Variants in TGM2 observed in about 807,000 individuals in gnomAD.
TGM2 encodes protein-glutamine gamma-glutamyltransferase 2.
Under a neutral mutation model 75.6 loss-of-function variants are expected in TGM2, and 53 were observed. That is an observed-to-expected ratio of 0.70 (90% CI 0.56 to 0.88). The LOEUF (loss-of-function observed/expected upper bound fraction) is 0.88. TGM2 is among the 40% of genes least tolerant of loss of function. TGM2 has a pLI of 0.00. For synonymous variants in TGM2, 374 were observed against 381.1 expected, an observed-to-expected ratio of 0.98 and a Z score of 0.22; for missense variants, 842 against 928.5, an observed-to-expected ratio of 0.91 and a Z score of 1.21.
In TGM2 at chr20:38,155,131, A is replaced by AC. The variant is rs200804357; in HGVS notation, c.433+715_433+716insG. Among the ~76,000 whole-genome samples the AC allele has an allele frequency of 1.8e-4, 27 of 151,486 alleles. No homozygotes were observed. In the East Asian group the frequency reaches 4.9e-3, roughly 28 times the overall value. ...CAAAAACAAAACAAAACAAAACAAA[A>AC]AACACACAAAAAACAGGGCCCCATG... On this transcript the variant is annotated intron_variant, in intron 3 of 12. Transcript: ENST00000361475.
At chr20:38,134,958 C>T (rs1294721280) in intron 10 of TGM2, among the ~76,000 whole-genome samples, 1 of 152,308 alleles carries the variant, frequency 6.6e-6, no homozygotes, top group East Asian at 1.9e-4. Flanking sequence ...CCTCACTTTC[C>T]AGCCAGAGGC....
Position 38,138,161 on chromosome 20 carries a change from C to T in TGM2, c.1567G>A (p.Glu523Lys), listed in dbSNP as rs112578056. The T allele has an allele frequency of 7.5e-6, 12 of 1,603,562 alleles. No homozygotes were observed. The highest frequency in any genetic ancestry group is 4.5e-5 in the South Asian group (4 of 89,192). The change falls in exon 10 of 13, where the codon GAG (glutamate) becomes AAG (lysine). Residue 523 changes from glutamate (E) to lysine (K), a missense_variant. Transcript: ENST00000361475. ...TTGAGCAGGTACTTGGTGCCACACTCGGGCCCCAAGATCCCATTGTAGCTG... is the reference window on the plus strand; with the variant it reads ...TTGAGCAGGTACTTGGTGCCACACTTGGGCCCCAAGATCCCATTGTAGCTG... ...TVSYNGILGP[E>K]CGTKYLLNLN...
Position 38,147,958 on chromosome 20 carries a change from C to T in TGM2, c.681+3G>A, listed in dbSNP as rs111512499. 438 of 1,609,318 alleles carry T rather than the reference C, an allele frequency of 2.7e-4. 1 individual carries two copies. The African/African-American group carries it at 4.4e-3, about 16-fold the overall frequency. On this transcript the variant is annotated splice_donor_region_variant and intron_variant, in intron 5 of 12. Transcript: ENST00000361475. ...CCCTGGATGGGCCATGCCACTCACT[C>T]ACCATGCCACTCACCACCCGGCCCA...
chr20:38,147,803 T>A (rs2075063127), intron 5 of TGM2, among the ~76,000 whole-genome samples, 158 bp downstream of exon 5: 1 of 152,244 alleles, frequency 6.6e-6, no homozygotes. Flanking sequence ...CACCCTCATC[T>A]GTGCAAATCT....
At chr20:38,161,097 G>A (rs1218806508) in intron 2 of TGM2, among the ~76,000 whole-genome samples, 1 of 152,154 alleles carries the variant, frequency 6.6e-6, no homozygotes, top group Non-Finnish European at 1.5e-5. Context: ...GAGCCACCAC[G>A]CCCAGCCTGT....
chr20:38,150,806 T>C, intron 4 of TGM2, 133 bp downstream of exon 4: 3 of 803,402 alleles, frequency 3.7e-6, no homozygotes, highest in Non-Finnish European at 6.7e-6. Flanking sequence ...TCAGGGCCTT[T>C]GCATCCCTGA....
Position 38,141,404 on chromosome 20 carries a change from C to T in TGM2, c.996-19G>A, listed in dbSNP as rs371571020. ...GAAGTTCCTGAGGGGGATAGGGGGGCGGGAATGAAGCAGAACATGAGCAAC... is the reference window on the plus strand; with the variant it reads ...GAAGTTCCTGAGGGGGATAGGGGGGTGGGAATGAAGCAGAACATGAGCAAC... On this transcript the variant is annotated intron_variant, in intron 7 of 12. Coordinates refer to ENST00000361475, the MANE Select transcript of TGM2 (RefSeq NM_004613.4). 38 of 1,544,388 alleles carry T rather than the reference C, an allele frequency of 2.5e-5. No homozygotes were observed. Among genetic ancestry groups the T allele is most frequent in the Non-Finnish European group, 3.2e-5 (36 of 1,136,928 alleles).
upstream of TGM2, chr20:38,165,492 T>A (rs2076381): frequency 0.54 from 290,683 of 534,308 alleles, 83,627 homozygotes; most frequent in Non-Finnish European, 0.62. Flanking sequence ...TAGCCCAGGA[T>A]ACAGACACAC....
At chr20:38,161,943 A>G (rs2075259623) in intron 1 of TGM2, among the ~76,000 whole-genome samples, 1 of 152,092 alleles carries the variant, frequency 6.6e-6, no homozygotes, top group Non-Finnish European at 1.5e-5. Flanking sequence ...ACAGGCGTGC[A>G]CCACTAATTT....
chr20:38,148,406 T>A (rs2075073278), intron 4 of TGM2, among the ~76,000 whole-genome samples: 1 of 152,136 alleles, frequency 6.6e-6, no homozygotes, highest in Non-Finnish European at 1.5e-5. Context: ...GGGCTCCCCC[T>A]CAGAGTCACC....
At position 38,160,824 on chromosome 20, in the gene TGM2, G is replaced by A. The variant is rs187621104; in HGVS notation, c.190+596C>T. On this transcript the variant is annotated intron_variant, in intron 2 of 12. Transcript: ENST00000361475. The stretch of plus-strand genomic sequence containing the variant: ...AGTTGTTTTGATATGGGAAAGGGCA[G>A]ACAGGATCTTTTTCTTTTTTCTTTT... Among the ~76,000 whole-genome samples the A allele has an allele frequency of 2.0e-3, 301 of 152,328 alleles. 2 individuals are homozygous for A. The highest frequency in any genetic ancestry group is 2.8e-4 in the Non-Finnish European group (19 of 68,028).
chr20:38,150,887 G>T, intron 4 of TGM2, 52 bp downstream of exon 4: 1 of 1,379,428 alleles, frequency 7.2e-7, no homozygotes, highest in Non-Finnish European at 1.0e-6. Context: ...ACACAGGGCC[G>T]GGCACACAGA....
At chr20:38,154,734 C>T (rs866904271) in intron 3 of TGM2, among the ~76,000 whole-genome samples, 1 of 152,104 alleles carries the variant, frequency 6.6e-6, no homozygotes, top group South Asian at 2.1e-4. Flanking sequence ...CCTACTCACC[C>T]CCCTCCCCCA....
chr20:38,139,320 A>G, intron 9 of TGM2, 92 bp downstream of exon 9: 2 of 1,591,326 alleles, frequency 1.3e-6, no homozygotes, highest in Non-Finnish European at 1.7e-6. Flanking sequence ...GCTACCAATT[A>G]AAACACACGC....
At chr20:38,156,466 A>G (rs1396528332) in intron 2 of TGM2, among the ~76,000 whole-genome samples, 1 of 152,290 alleles carries the variant, frequency 6.6e-6, no homozygotes, top group Non-Finnish European at 1.5e-5. Context: ...TTTGTGTAGC[A>G]TAGACAAGGA....
intron 5 of TGM2, 137 bp from the exon 6 acceptor site, chr20:38,147,031 G>T: frequency 2.3e-6 from 2 of 885,934 alleles, no homozygotes; most frequent in Non-Finnish European, 3.5e-6. Flanking sequence ...GTGCAAAGGG[G>T]CCATCGTGTG....
chr20:38,146,507 C>T, intron 6 of TGM2: 1 of 698,682 alleles, frequency 1.4e-6, no homozygotes, highest in South Asian at 1.6e-5. Flanking sequence ...TGCAGTCTCT[C>T]CAATGATAGC....
At chr20:38,130,427 GGGGTCCAGCCA>G (rs1873686974) in intron 12 of TGM2, 58 bp from the exon 13 acceptor site, 2 of 1,539,312 alleles carry the variant, frequency 1.3e-6, no homozygotes, top group Non-Finnish European at 1.8e-6. Context: ...CCCGCATGCT[GGGGTCCAGCCA>G]GGAAGTCACG....
At chr20:38,165,900 C>T (rs2075306166), upstream of TGM2, among the ~76,000 whole-genome samples, 3 of 152,080 alleles carry the variant, frequency 2.0e-5, no homozygotes, top group Admixed American at 6.5e-5. Flanking sequence ...TAGATACAGC[C>T]TGACACAGCC....
Sources: gnomAD v4.1 joint callset for allele counts (sites outside exome capture counted in the v4.1 genomes callset) on GRCh38, gnomAD v4.1.1 for gene constraint, MANE v1.5 for transcripts, NCBI Gene and HGNC (gene_info 2026-07-23, HGNC 2026-07-21) for gene names.